PTBP3: variants seen among roughly 807,000 people sequenced by gnomAD.
PTBP3 encodes polypyrimidine tract-binding protein 3.
PTBP3 carries 20 observed loss-of-function variants against 58.7 expected under a neutral mutation model. That is an observed-to-expected ratio of 0.34 (90% CI 0.24 to 0.50). The LOEUF is 0.50. Ranked by LOEUF, PTBP3 falls within the 20% of genes least tolerant of loss-of-function variation. The pLI is 0.98. For synonymous variants in PTBP3, 185 were observed against 219.8 expected (o/e 0.84, Z 1.40); for missense variants, 509 against 637.2 (o/e 0.80, Z 2.17).
intron 1 of PTBP3, among the ~76,000 whole-genome samples, chr9:112,317,919 G>T (rs1829772512): frequency 6.6e-6 from 1 of 152,036 alleles, no homozygotes; most frequent in Admixed American, 6.6e-5. Context: ...CTCCAGCCTG[G>T]GTGACAGAGC....
intron 8 of PTBP3, among the ~76,000 whole-genome samples, chr9:112,234,213 T>C (rs1249170347): frequency 6.6e-6 from 1 of 152,232 alleles, no homozygotes; most frequent in Admixed American, 6.5e-5. Flanking sequence ...GTTTACTGTT[T>C]TGAAAATAAT....
At chr9:112,314,271 C>T (rs974774910) in intron 1 of PTBP3, among the ~76,000 whole-genome samples, 5 of 152,308 alleles carry the variant, frequency 3.3e-5, no homozygotes, top group African/African-American at 1.2e-4. Flanking sequence ...ACAAAGTACA[C>T]TTCAAGATAG....
intron 1 of PTBP3, among the ~76,000 whole-genome samples, chr9:112,309,200 C>CT (rs941696010): frequency 1.5e-3 from 229 of 149,466 alleles, no homozygotes; most frequent in African/African-American, 4.6e-3. Context: ...AATCCTAGAC[C>CT]TTTTTTTTTT....
At chr9:112,315,754 A>G (rs1829679278) in intron 1 of PTBP3, among the ~76,000 whole-genome samples, 1 of 152,266 alleles carries the variant, frequency 6.6e-6, no homozygotes, top group African/African-American at 2.4e-5. Context: ...TTTAAAAGAA[A>G]TAATACCAAT....
chr9:112,268,085 G>GTGA lies in PTBP3; in HGVS notation c.312_314dup (p.His105dup), dbSNP rs1827179369. ...GTAGATTGTCAGTCTTAAGTTCTCT[G>GTGA]TGATTGGAATACTGAATATAAACAG... On this transcript the variant is annotated inframe_insertion, in exon 4 of 14. Transcript: ENST00000374257. 6.2e-7 allele frequency: 1 copy of GTGA among 1,613,392 alleles called. No individual in the cohort carries two copies. The highest frequency in any genetic ancestry group is 1.7e-5 in the Admixed American group (1 of 59,880).
rs80212366 is a variant in PTBP3 at position 112,331,710 on chromosome 9, A to C, written c.-52+1760T>G. ...TTCCAAATGAACTTACCTTCCAGTC[A>C]GTATCTGTATAACTGCCTTGCATAT... On this transcript the variant is annotated intron_variant, in intron 1 of 13. Transcript: ENST00000374257. Among the ~76,000 whole-genome samples, 4 of 152,354 alleles carry C rather than the reference A, an allele frequency of 2.6e-5. No individual in the cohort carries two copies. In the East Asian group the frequency reaches 7.7e-4, roughly 29 times the overall value.
intron 3 of PTBP3, among the ~76,000 whole-genome samples, chr9:112,274,864 G>A (rs569984983): frequency 3.3e-5 from 5 of 152,278 alleles, no homozygotes; most frequent in African/African-American, 4.8e-5. Flanking sequence ...CAGAAAGAGC[G>A]TGGCCTATCT....
In PTBP3 at chr9:112,222,967, C is replaced by A; in HGVS notation, c.*884G>T. 1 of 853,592 alleles carries A rather than the reference C, an allele frequency of 1.2e-6. No individual in the cohort carries two copies. Among genetic ancestry groups the A allele is most frequent in the Non-Finnish European group, 1.4e-6 (1 of 709,744 alleles). 52.9% of individuals were successfully genotyped at this position (853,592 alleles called of 1,614,324 possible). Reference sequence around the variant, plus strand: ...ATAGACCTGAATATTTTCCTTAAGACTGTAAACTTTTTTTCTGAAAACAAT... The same window carrying A: ...ATAGACCTGAATATTTTCCTTAAGAATGTAAACTTTTTTTCTGAAAACAAT... On this transcript the variant is annotated 3_prime_UTR_variant, in exon 14 of 14. Transcript: ENST00000374257.
In PTBP3 at chr9:112,220,973, CTA is replaced by C; in HGVS notation, c.*2876_*2877del. The C allele has an allele frequency of 1.0e-6, 1 of 966,884 alleles. No individual in the cohort carries two copies. Among genetic ancestry groups the C allele is most frequent in the East Asian group, 1.1e-4 (1 of 8,724 alleles). The allele number at this position is 966,884 out of a possible 1,614,324, so 59.9% of individuals were successfully genotyped here. A position where few individuals can be genotyped will look rare whatever the true frequency, so the allele number is the denominator to read the frequency against. Reference sequence around the variant, plus strand: ...CATGCCAAAACAGAGATACACAGATCTAGTTTTTCCACCATCCTGATATTTTT... The same window carrying C: ...CATGCCAAAACAGAGATACACAGATCGTTTTTCCACCATCCTGATATTTTT... On this transcript the variant is annotated 3_prime_UTR_variant, in exon 14 of 14. Transcript: ENST00000374257.
rs757164820 is a variant in PTBP3 at position 112,228,371 on chromosome 9, C to A, written c.1147+9G>T. 5 of 1,557,600 alleles carry A rather than the reference C, an allele frequency of 3.2e-6. No homozygotes were observed. The Admixed American group carries it at 9.7e-5, about 30-fold the overall frequency. On this transcript the variant is annotated intron_variant, in intron 11 of 13. Coordinates refer to ENST00000374257, the MANE Select transcript of PTBP3 (RefSeq NM_001163788.4). Reference sequence around the variant, plus strand: ...CACATTATTATTAATAATTATTAATCATTAGTACCTAGCTGAGCTTGATTT... The same window carrying A: ...CACATTATTATTAATAATTATTAATAATTAGTACCTAGCTGAGCTTGATTT...
chr9:112,228,045 C>T (rs1441225122), intron 11 of PTBP3, among the ~76,000 whole-genome samples: 1 of 152,036 alleles, frequency 6.6e-6, no homozygotes, highest in Non-Finnish European at 1.5e-5. Flanking sequence ...ACTTTTAAGC[C>T]ACTCAGTGGT....
chr9:112,378,844 T>A, the PTBP3 span, among the ~76,000 whole-genome samples: 1 of 151,784 alleles, frequency 6.6e-6, no homozygotes, highest in Non-Finnish European at 1.5e-5. Context: ...CCTACAGGAG[T>A]CGGGCAGGTG....
At chr9:112,302,010 A>G (rs2132333772) in intron 1 of PTBP3, among the ~76,000 whole-genome samples, 1 of 152,302 alleles carries the variant, frequency 6.6e-6, no homozygotes, top group Admixed American at 6.5e-5. Flanking sequence ...ACCTGTGTTC[A>G]ACCCTGCCAC....
upstream of PTBP3, among the ~76,000 whole-genome samples, chr9:112,333,907 C>T (rs1362187847): frequency 2.0e-5 from 3 of 148,722 alleles, no homozygotes; most frequent in Admixed American, 6.7e-5. Flanking sequence ...GGAGCGCGCG[C>T]CTTGTGCTTC....
intron 1 of PTBP3, among the ~76,000 whole-genome samples, chr9:112,329,413 CA>C (rs5900000): frequency 0.81 from 121,341 of 150,436 alleles, 48,802 homozygotes; most frequent in South Asian, 0.88. Context: ...GGCTCCGCCT[CA>C]AAAAAAAAAA....
chr9:112,315,289 G>A (rs1448581728), intron 1 of PTBP3, among the ~76,000 whole-genome samples: 1 of 150,248 alleles, frequency 6.7e-6, no homozygotes, highest in Non-Finnish European at 1.5e-5. Flanking sequence ...GATCAAAGTA[G>A]TAAGCTTTAA....
chr9:112,275,501 T>C (rs1827571681), intron 3 of PTBP3, among the ~76,000 whole-genome samples: 1 of 152,186 alleles, frequency 6.6e-6, no homozygotes, highest in South Asian at 2.1e-4. Context: ...CCAAATGAGG[T>C]ATAATTTATA....
intron 2 of PTBP3, among the ~76,000 whole-genome samples, chr9:112,284,731 A>T (rs1255091710): frequency 6.6e-6 from 1 of 152,004 alleles, no homozygotes; most frequent in Non-Finnish European, 1.5e-5. Flanking sequence ...CAAAACAACA[A>T]CAACAAAAAC....
the PTBP3 span, among the ~76,000 whole-genome samples, chr9:112,364,842 C>A: frequency 6.6e-6 from 1 of 152,162 alleles, no homozygotes; most frequent in East Asian, 1.9e-4. Flanking sequence ...TACTTACATA[C>A]ATTACCACTA....
Sources: gnomAD v4.1 joint callset for allele counts (sites outside exome capture counted in the v4.1 genomes callset) on GRCh38, gnomAD v4.1.1 for gene constraint, MANE v1.5 for transcripts, NCBI Gene and HGNC (gene_info 2026-07-23, HGNC 2026-07-21) for gene names.